Variants in WDR37 observed in about 807,000 individuals in gnomAD.
The protein encoded by WDR37 is WD repeat domain 37, also known as WD repeat-containing protein 37.
In WDR37, 19 loss-of-function variants were observed where a neutral mutation model predicts 62.9. The ratio of observed to expected loss-of-function variants is 0.30; its 90% CI spans 0.21 to 0.44. The LOEUF (loss-of-function observed/expected upper bound fraction) is 0.44. Among genes scored for constraint, WDR37 ranks in the 20% least tolerant of loss-of-function variants. The pLI is 1.00. For missense variants in WDR37, 474 were observed against 657.6 expected, an observed-to-expected ratio of 0.72 and a Z score of 3.05; for synonymous variants, 250 against 260.9, an observed-to-expected ratio of 0.96 and a Z score of 0.40.
chr10:1,128,163 A>G (rs901258217), intron 13 of WDR37, among the ~76,000 whole-genome samples: 1 of 152,242 alleles, frequency 6.6e-6, no homozygotes, highest in African/African-American at 2.4e-5. Context: ...AGATGTATAA[A>G]TAGCATATTT....
At chr10:1,112,869 G>A (rs576474180) in intron 11 of WDR37, among the ~76,000 whole-genome samples, 7 of 152,326 alleles carry the variant, frequency 4.6e-5, no homozygotes, top group East Asian at 1.9e-4. Flanking sequence ...GAAGGAAGCC[G>A]TCTCCATAAC....
In WDR37 at chr10:1,069,370, A is replaced by AATATATATATATATATAT. The variant is rs1351085134; in HGVS notation, c.-40-2743_-40-2726dup. 5.7e-4 allele frequency among the ~76,000 whole-genome samples: 46 copies of AATATATATATATATATAT among 81,392 alleles called. 4 individuals are homozygous for AATATATATATATATATAT. Among genetic ancestry groups the AATATATATATATATATAT allele is most frequent in the Middle Eastern group, 6.1e-3 (1 of 164 alleles). 53.4% of individuals were successfully genotyped at this position (81,392 alleles called of 152,430 possible). On this transcript the variant is annotated intron_variant, in intron 1 of 13. Transcript: ENST00000263150. ...TAGTAATAGTAAAAAAATTGGAAAGAATATATATATATATATATATTTTTT... is the reference window on the plus strand; with the variant it reads ...TAGTAATAGTAAAAAAATTGGAAAGAATATATATATATATATATATATATATATATATATATATTTTTT...
chr10:1,078,924 G>C (rs1833950466), intron 3 of WDR37, among the ~76,000 whole-genome samples: 1 of 152,202 alleles, frequency 6.6e-6, no homozygotes, highest in African/African-American at 2.4e-5. Context: ...TTGTTAAGCT[G>C]TTTTTCACTC....
At chr10:1,074,570 C>A (rs1328219104) in intron 2 of WDR37, 1 of 1,288,710 alleles carries the variant, frequency 7.8e-7, no homozygotes, top group Non-Finnish European at 1.0e-6. Flanking sequence ...GGTGAGTGGC[C>A]CCCGTGAGGT....
At position 1,121,390 on chromosome 10, in the gene WDR37, C is replaced by T. The variant is rs1835573076; in HGVS notation, c.1104-2828C>T. Among the ~76,000 whole-genome samples, 1 of 152,062 alleles carries T rather than the reference C, an allele frequency of 6.6e-6. No homozygotes were observed. ...CCAGGCTCCCCCAGCAGCCGAAGTC[C>T]TCTAAGCCTCATTGTAACCTTCTCA... is the stretch of plus-strand genomic sequence containing the variant. On this transcript the variant is annotated intron_variant, in intron 11 of 13. Transcript: ENST00000263150. This position sits in a 1 kb window ranked among gnomAD's most constrained non-coding sequence, Gnocchi z 4.5.
At chr10:1,116,047 C>T (rs1275661628) in intron 11 of WDR37, among the ~76,000 whole-genome samples, 1 of 152,162 alleles carries the variant, frequency 6.6e-6, no homozygotes, top group Admixed American at 6.5e-5. Flanking sequence ...TGCAGTTTTG[C>T]TACCTTGATG....
intron 2 of WDR37, among the ~76,000 whole-genome samples, chr10:1,073,589 A>G (rs1207754184): frequency 6.6e-6 from 1 of 152,246 alleles, no homozygotes; most frequent in Non-Finnish European, 1.5e-5. Flanking sequence ...TTACTTTGCT[A>G]GGACTCCCAT....
intron 9 of WDR37, among the ~76,000 whole-genome samples, chr10:1,096,784 C>T (rs1302367580): frequency 1.3e-5 from 2 of 152,104 alleles, no homozygotes; most frequent in Non-Finnish European, 2.9e-5. Context: ...TTTTCAGGGA[C>T]CTGCTGGAGA....
intron 11 of WDR37, chr10:1,123,979 G>T (rs548277674): frequency 9.8e-5 from 49 of 497,912 alleles, no homozygotes; most frequent in African/African-American, 9.4e-4. Context: ...TCCGTTGCCT[G>T]TAGATGTGGA....
rs34689634 is a variant in WDR37, at chr10:1,061,838, C to CAAAA, written c.-41+4882_-41+4885dup. Reference sequence around the variant, plus strand: ...CTGGGCAACAGTGGAGACGTCATCTCAAAAAAAAAAAAAAATTACCTTCAG... The same window carrying CAAAA: ...CTGGGCAACAGTGGAGACGTCATCTCAAAAAAAAAAAAAAAAAAATTACCTTCAG... On this transcript the variant is annotated intron_variant, in intron 1 of 13. Coordinates refer to ENST00000263150, the MANE Select transcript of WDR37 (RefSeq NM_014023.4). 9.0e-4 allele frequency among the ~76,000 whole-genome samples: 125 copies of CAAAA among 138,636 alleles called. 1 individual carries two copies. The highest frequency in any genetic ancestry group is 3.2e-3 in the African/African-American group (117 of 36,868). The allele number at this position is 138,636 out of a possible 152,430, so 91.0% of individuals were successfully genotyped here. A position where few individuals can be genotyped will look rare whatever the true frequency, so the allele number is the denominator to read the frequency against.
At chr10:1,074,586 G>A in intron 2 of WDR37, 2 of 1,223,506 alleles carry the variant, frequency 1.6e-6, no homozygotes, top group Non-Finnish European at 2.2e-6. Context: ...GAGGTGCTCT[G>A]CCTTCCCCCT....
At chr10:1,106,709 G>A (rs572201146) in intron 11 of WDR37, among the ~76,000 whole-genome samples, 1 of 152,246 alleles carries the variant, frequency 6.6e-6, no homozygotes, top group Non-Finnish European at 1.5e-5. Context: ...TAGAGGTGGG[G>A]TTTCACCATG....
rs538082455 is a variant in WDR37, at chr10:1,083,975, G to A, written c.397-428G>A. Among the ~76,000 whole-genome samples, 5 of 152,360 alleles carry A rather than the reference G, an allele frequency of 3.3e-5. No individual in the cohort carries two copies. In the East Asian group the frequency reaches 9.6e-4, roughly 29 times the overall value. On this transcript the variant is annotated intron_variant, in intron 5 of 13. Coordinates refer to ENST00000263150, the MANE Select transcript of WDR37 (RefSeq NM_014023.4). ...AAAATGTGAACATGTACAGCGATCA[G>A]TGTCATTAGCTAAAGTTAAGGGTTT... is the stretch of plus-strand genomic sequence containing the variant.
intron 11 of WDR37, among the ~76,000 whole-genome samples, chr10:1,120,144 T>C (rs1460702837): frequency 6.6e-6 from 1 of 152,214 alleles, no homozygotes; most frequent in Non-Finnish European, 1.5e-5. Context: ...AATGAATGCT[T>C]GTGTGAGTTC....
At chr10:1,081,585 G>A (rs1369944392) in intron 5 of WDR37, among the ~76,000 whole-genome samples, 1 of 151,882 alleles carries the variant, frequency 6.6e-6, no homozygotes, top group Non-Finnish European at 1.5e-5. Context: ...ATCTGAAATT[G>A]TTGGTATTTT....
intron 13 of WDR37, among the ~76,000 whole-genome samples, chr10:1,128,278 C>T (rs568410447): frequency 6.6e-6 from 1 of 152,380 alleles, no homozygotes; most frequent in Non-Finnish European, 1.5e-5. Context: ...GCTGTAACAG[C>T]AACGTATCAG....
chr10:1,126,258 C>G (rs59259654), intron 13 of WDR37, among the ~76,000 whole-genome samples: 46 of 151,774 alleles, frequency 3.0e-4, no homozygotes, highest in Non-Finnish European at 2.8e-4. Flanking sequence ...ACAAAAAAAT[C>G]AGCCAGGCGT....
At chr10:1,072,407 T>G (rs981883653) in intron 2 of WDR37, 114 bp downstream of exon 2, 7 of 1,344,456 alleles carry the variant, frequency 5.2e-6, no homozygotes, top group Non-Finnish European at 7.2e-6. Flanking sequence ...CTCCACCTCC[T>G]GGGTGGAAGT....
At chr10:1,063,967 A>G (rs1382066731) in intron 1 of WDR37, among the ~76,000 whole-genome samples, 2 of 152,240 alleles carry the variant, frequency 1.3e-5, no homozygotes, top group Admixed American at 1.3e-4. Flanking sequence ...CCTCAGTAAG[A>G]AAAGACCACT....
Sources: allele counts gnomAD v4.1 joint callset (sites outside exome capture counted in the v4.1 genomes callset), GRCh38; gene constraint gnomAD v4.1.1; non-coding constraint Gnocchi (gnomAD v3.1); transcripts MANE v1.5; gene names NCBI Gene and HGNC (gene_info 2026-07-23, HGNC 2026-07-21).